HDAC9: variants seen among roughly 807,000 people sequenced by gnomAD.
HDAC9 encodes the protein histone deacetylase 9, also known as MEF-2 interacting transcription repressor (MITR) protein.
HDAC9 carries 41 observed loss-of-function variants against 139.4 expected under a neutral mutation model. The observed-to-expected ratio is 0.29, with a 90% CI of 0.23 to 0.38. The LOEUF is 0.38. Among genes scored for constraint, HDAC9 ranks in the 10% least tolerant of loss-of-function variants. The pLI is 1.00. For missense variants in HDAC9, 1,147 were observed against 1,297.0 expected (o/e 0.88, Z 1.78); for synonymous variants, 517 against 476.2 (o/e 1.09, Z -1.12).
intron 21 of HDAC9, among the ~76,000 whole-genome samples, chr7:18,864,102 G>A (rs1468780884): frequency 1.3e-5 from 2 of 152,262 alleles, no homozygotes; most frequent in African/African-American, 4.8e-5. Context: ...GTGTACAAGT[G>A]TTCCAATTTC....
At chr7:18,885,244 C>T (rs1051321296) in intron 22 of HDAC9, among the ~76,000 whole-genome samples, 52 of 152,330 alleles carry the variant, frequency 3.4e-4, no homozygotes, top group African/African-American at 1.2e-3. Flanking sequence ...TGCCACCCAA[C>T]CTCTTGAAGA....
chr7:18,828,247 G>A (rs1233628230), intron 17 of HDAC9, among the ~76,000 whole-genome samples: 1 of 152,142 alleles, frequency 6.6e-6, no homozygotes, highest in East Asian at 1.9e-4. Flanking sequence ...TTAGGATTGT[G>A]TATAAAACAG....
intron 22 of HDAC9, among the ~76,000 whole-genome samples, chr7:18,927,984 T>G (rs1242102337): frequency 6.6e-6 from 1 of 152,168 alleles, no homozygotes; most frequent in Non-Finnish European, 1.5e-5. Flanking sequence ...AACAAATGTT[T>G]AAGTAGAAGT....
intron 2 of HDAC9, among the ~76,000 whole-genome samples, chr7:18,236,718 C>T (rs950573253): frequency 6.6e-6 from 1 of 152,066 alleles, no homozygotes; most frequent in Admixed American, 6.6e-5. Context: ...ATACACTTGG[C>T]CGAATTAAGA....
intron 21 of HDAC9, among the ~76,000 whole-genome samples, chr7:18,868,361 A>T (rs964875688): frequency 6.6e-6 from 1 of 152,234 alleles, no homozygotes; most frequent in African/African-American, 2.4e-5. Context: ...CTACATTAGA[A>T]GTCTTAGCTT....
At chr7:18,815,563 G>A (rs1051573272) in intron 17 of HDAC9, among the ~76,000 whole-genome samples, 2 of 152,190 alleles carry the variant, frequency 1.3e-5, no homozygotes, top group Admixed American at 6.5e-5. Flanking sequence ...GGTTTTTCAC[G>A]AATGCATTTA....
At chr7:18,622,686 A>G (rs551282165) in intron 6 of HDAC9, among the ~76,000 whole-genome samples, 80 of 152,062 alleles carry the variant, frequency 5.3e-4, no homozygotes, top group Non-Finnish European at 9.7e-4. Flanking sequence ...AATATATGAA[A>G]TATGTTAAAA....
At chr7:18,956,915 T>G (rs1165511662) in intron 24 of HDAC9, among the ~76,000 whole-genome samples, 1 of 152,180 alleles carries the variant, frequency 6.6e-6, no homozygotes, top group Non-Finnish European at 1.5e-5. Context: ...AGGCTCTTGG[T>G]GTTGCTGCCT....
intron 16 of HDAC9, among the ~76,000 whole-genome samples, chr7:18,783,702 A>T (rs1204350545): frequency 2.0e-5 from 3 of 149,988 alleles, no homozygotes; most frequent in Non-Finnish European, 4.4e-5. Flanking sequence ...TAGAATTTTC[A>T]AACTTTGTGT....
Position 18,568,026 on chromosome 7 carries a change from G to GTATATA in HDAC9, c.23-17233_23-17228dup, listed in dbSNP as rs36203178. ...TTATACATACAGGATATATGTATAT[G>GTATATA]TATATATATATATATATATATATAT... is the stretch of plus-strand genomic sequence containing the variant. On this transcript the variant is annotated intron_variant, in intron 2 of 25. Transcript: ENST00000686413. Among the ~76,000 whole-genome samples, 599 of 126,804 alleles carry GTATATA rather than the reference G, an allele frequency of 4.7e-3. 11 individuals carry two copies. The highest frequency in any genetic ancestry group is 0.015 in the African/African-American group (504 of 32,718). 83.2% of individuals were successfully genotyped at this position (126,804 alleles called of 152,430 possible).
At chr7:18,627,116 A>C (rs1214777538) in intron 6 of HDAC9, among the ~76,000 whole-genome samples, 1 of 152,236 alleles carries the variant, frequency 6.6e-6, no homozygotes, top group Admixed American at 6.5e-5. Flanking sequence ...TCACAAATGA[A>C]GAATCAGGCT....
rs117279445 is a variant in HDAC9 at position 18,959,947 on chromosome 7, G to A, written c.3022+5717G>A. Among the ~76,000 whole-genome samples the A allele has an allele frequency of 3.8e-3, 572 of 151,728 alleles. 4 individuals are homozygous for A. The highest frequency in any genetic ancestry group is 0.027 in the Middle Eastern group (8 of 294). On this transcript the variant is annotated intron_variant, in intron 24 of 25. Coordinates refer to ENST00000686413, the MANE Select transcript of HDAC9 (RefSeq NM_178425.4). The stretch of plus-strand genomic sequence containing the variant: ...TCAAATGTGTTTTACATAAATACAG[G>A]AGCAATTTCCATGTTTCTTGTATAT...
rs1784777324 is a variant in HDAC9 at position 18,128,003 on chromosome 7, C to G, written c.-96-34226C>G. On this transcript the variant is annotated intron_variant, in intron 1 of 12. Coordinates refer to the HDAC9 transcript ENST00000417496. ...TATTTTCACTTAGTAAAAGGTAACA[C>G]TTTTACAATACAATTTTTATTTCTT... Among the ~76,000 whole-genome samples the G allele has an allele frequency of 2.0e-5, 3 of 152,064 alleles. 1 individual carries two copies. Among genetic ancestry groups the G allele is most frequent in the Admixed American group, 1.3e-4 (2 of 15,240 alleles).
At chr7:18,273,390 AG>A (rs765830380) in intron 2 of HDAC9, among the ~76,000 whole-genome samples, 3 of 152,054 alleles carry the variant, frequency 2.0e-5, no homozygotes, top group Non-Finnish European at 4.4e-5. Flanking sequence ...TAAAGCCATA[AG>A]GTATATTGTG....
rs995139620 is a variant in HDAC9 at position 18,558,193 on chromosome 7, T to C, written c.23-27088T>C. 5.9e-5 allele frequency among the ~76,000 whole-genome samples: 9 copies of C among 152,262 alleles called. No homozygotes were observed. The East Asian group carries it at 1.3e-3, about 23-fold the overall frequency. On this transcript the variant is annotated intron_variant, in intron 2 of 25. Transcript: ENST00000686413. ...ATTATTAATGGTTAGTCTTCTCATGTTTTACATACTTTATTCTTAGAATCC... is the reference window on the plus strand; with the variant it reads ...ATTATTAATGGTTAGTCTTCTCATGCTTTACATACTTTATTCTTAGAATCC...
intron 16 of HDAC9, among the ~76,000 whole-genome samples, chr7:18,772,465 T>C (rs1790380210): frequency 6.6e-6 from 1 of 152,066 alleles, no homozygotes; most frequent in South Asian, 2.1e-4. Context: ...TGCCTTTTGT[T>C]ACATCAGCAG....
At chr7:18,424,417 A>C (rs1789923605) in intron 1 of HDAC9, among the ~76,000 whole-genome samples, 1 of 152,224 alleles carries the variant, frequency 6.6e-6, no homozygotes, top group South Asian at 2.1e-4. Context: ...AAATAAAATA[A>C]TTATAGGACA....
chr7:18,289,365 A>G (rs1157020386), upstream of HDAC9, among the ~76,000 whole-genome samples: 3 of 152,194 alleles, frequency 2.0e-5, no homozygotes, highest in Non-Finnish European at 4.4e-5. Context: ...TTATAAGCTA[A>G]GTATCACTGC....
At chr7:18,738,697 T>C (rs1787159839) in intron 13 of HDAC9, among the ~76,000 whole-genome samples, 1 of 152,204 alleles carries the variant, frequency 6.6e-6, no homozygotes, top group Non-Finnish European at 1.5e-5. Context: ...TTAACACTTT[T>C]TCCTTCATTT....
Sources: gnomAD v4.1 joint callset for allele counts (sites outside exome capture counted in the v4.1 genomes callset) on GRCh38, gnomAD v4.1.1 for gene constraint, MANE v1.5 for transcripts, NCBI Gene and HGNC (gene_info 2026-07-23, HGNC 2026-07-21) for gene names.